AP1S3: variants seen among roughly 807,000 people sequenced by gnomAD.
AP1S3 encodes the protein AP-1 complex subunit sigma-3.
Under a neutral mutation model 20.9 loss-of-function variants are expected in AP1S3, and 10 were observed. That is an observed-to-expected ratio of 0.48 (90% CI 0.29 to 0.81). AP1S3 has a LOEUF of 0.81. AP1S3 is among the 30% of genes least tolerant of loss of function. The probability of loss-of-function intolerance (pLI) is 0.08; values close to 1 mark genes in which losing one functional copy is unlikely to be tolerated. For synonymous variants in AP1S3, 41 were observed against 61.5 expected (o/e 0.67, Z 1.56); for missense variants, 154 against 183.8 (o/e 0.84, Z 0.94).
At chr2:223,788,514 G>A (rs1440937552) in intron 1 of AP1S3, among the ~76,000 whole-genome samples, 1 of 151,302 alleles carries the variant, frequency 6.6e-6, no homozygotes. Context: ...AGCACTTTGG[G>A]AGGCTGAGGT....
chr2:223,759,235 C>T (rs1039522952), intron 4 of AP1S3, among the ~76,000 whole-genome samples: 1 of 151,572 alleles, frequency 6.6e-6, no homozygotes, highest in Non-Finnish European at 1.5e-5. Flanking sequence ...GCCAAGATTG[C>T]ACCACTGCAC....
intron 1 of AP1S3, among the ~76,000 whole-genome samples, chr2:223,826,867 A>C (rs968510017): frequency 6.6e-6 from 1 of 152,036 alleles, no homozygotes; most frequent in Non-Finnish European, 1.5e-5. Context: ...TATGCTTACT[A>C]TGCTAAACTC....
intron 1 of AP1S3, among the ~76,000 whole-genome samples, chr2:223,792,245 C>T (rs1300845828): frequency 2.0e-5 from 3 of 152,016 alleles, no homozygotes; most frequent in Non-Finnish European, 4.4e-5. Flanking sequence ...CCAAACTATA[C>T]TACAAGGCTA....
chr2:223,836,625 C>T (rs1692401248), intron 1 of AP1S3, among the ~76,000 whole-genome samples: 1 of 152,082 alleles, frequency 6.6e-6, no homozygotes, highest in Non-Finnish European at 1.5e-5. Context: ...CTGTAATCCC[C>T]GTTACTCGGG....
chr2:223,825,145 T>TAA (rs1273686462), intron 1 of AP1S3, among the ~76,000 whole-genome samples: 5 of 149,590 alleles, frequency 3.3e-5, no homozygotes, highest in Non-Finnish European at 7.4e-5. Context: ...CCATCTCTAC[T>TAA]AAAAAAAAAT....
At chr2:223,796,088 G>A (rs899722892) in intron 1 of AP1S3, among the ~76,000 whole-genome samples, 1 of 152,094 alleles carries the variant, frequency 6.6e-6, no homozygotes, top group Non-Finnish European at 1.5e-5. Context: ...CAGGAGAATC[G>A]CTTGAACCCA....
chr2:223,777,626 A>C, intron 2 of AP1S3, 65 bp downstream of exon 2: 1 of 1,423,100 alleles, frequency 7.0e-7, no homozygotes, highest in South Asian at 1.4e-5. Flanking sequence ...GCAATCTAAA[A>C]TGTTCAGGAT....
At chr2:223,821,811 A>G (rs1533608) in intron 1 of AP1S3, among the ~76,000 whole-genome samples, 48,940 of 152,074 alleles carry the variant, frequency 0.32, 8,290 homozygotes, top group Middle Eastern at 0.43. Flanking sequence ...TGATTCTGAC[A>G]TACTTGGAAA....
chr2:223,813,018 T>A (rs988940277), intron 1 of AP1S3, among the ~76,000 whole-genome samples: 6 of 151,904 alleles, frequency 3.9e-5, no homozygotes, highest in African/African-American at 1.5e-4. Context: ...AGCTTCCACC[T>A]CCCAGACTCC....
intron 1 of AP1S3, among the ~76,000 whole-genome samples, chr2:223,792,324 T>C (rs1574706650): frequency 6.6e-6 from 1 of 152,242 alleles, no homozygotes; most frequent in South Asian, 2.1e-4. Flanking sequence ...AGCATGGTAC[T>C]GGTACAAGAA....
At chr2:223,778,549 C>T (rs1348485979) in intron 1 of AP1S3, among the ~76,000 whole-genome samples, 1 of 151,736 alleles carries the variant, frequency 6.6e-6, no homozygotes, top group Admixed American at 6.6e-5. Context: ...GTGTTAAGAA[C>T]AACAGAAGGA....
At chr2:223,774,056 T>C (rs1690701970) in intron 3 of AP1S3, among the ~76,000 whole-genome samples, 1 of 152,120 alleles carries the variant, frequency 6.6e-6, no homozygotes, top group Non-Finnish European at 1.5e-5. Flanking sequence ...GCTGGAGAAC[T>C]GTCAGGTATA....
chr2:223,789,813 C>G (rs534981163), intron 1 of AP1S3, among the ~76,000 whole-genome samples: 1,402 of 139,772 alleles, frequency 0.01, 32 homozygotes, highest in African/African-American at 0.037. Flanking sequence ...ACTCCAGCCT[C>G]GGTGATAGTA....
chr2:223,831,732 C>T (rs907918956), intron 1 of AP1S3, among the ~76,000 whole-genome samples: 21 of 152,084 alleles, frequency 1.4e-4, no homozygotes, highest in Non-Finnish European at 2.9e-5. Context: ...CACTGGCTAT[C>T]GTAACAACAA....
chr2:223,764,079 C>T (rs548739862), intron 4 of AP1S3, among the ~76,000 whole-genome samples: 1 of 152,168 alleles, frequency 6.6e-6, no homozygotes, highest in African/African-American at 2.4e-5. Flanking sequence ...TCCCCATGCC[C>T]GGCTAATTTT....
chr2:223,793,884 T>A (rs965438728), intron 1 of AP1S3, among the ~76,000 whole-genome samples: 4 of 152,022 alleles, frequency 2.6e-5, no homozygotes, highest in African/African-American at 9.7e-5. Flanking sequence ...CCTCAGGTGA[T>A]CCTCCTGCCT....
At chr2:223,770,531 C>CACACACACACACA (rs3220046) in intron 3 of AP1S3, among the ~76,000 whole-genome samples, 1 of 147,358 alleles carries the variant, frequency 6.8e-6, no homozygotes, top group Non-Finnish European at 1.5e-5. Context: ...CACACACACA[C>CACACACACACACA]CCCTTGATAT....
At chr2:223,825,867 A>T (rs574039511) in intron 1 of AP1S3, among the ~76,000 whole-genome samples, 1 of 152,020 alleles carries the variant, frequency 6.6e-6, no homozygotes, top group Non-Finnish European at 1.5e-5. Flanking sequence ...AAAGACAAAA[A>T]TTAGTCAGGT....
intron 1 of AP1S3, among the ~76,000 whole-genome samples, chr2:223,836,206 T>C (rs1331217623): frequency 6.6e-6 from 1 of 152,144 alleles, no homozygotes; most frequent in African/African-American, 2.4e-5. Context: ...ACTTCCCTTC[T>C]GCGGATTTGG....
Sources: allele counts gnomAD v4.1 joint callset (sites outside exome capture counted in the v4.1 genomes callset), GRCh38; gene constraint gnomAD v4.1.1; transcripts MANE v1.5; gene names NCBI Gene and HGNC (gene_info 2026-07-23, HGNC 2026-07-21).